ARHGAP32: variants seen among roughly 807,000 people sequenced by gnomAD.
ARHGAP32 encodes the protein Rho GTPase activating protein 32, also known as rho GTPase-activating protein 32.
In ARHGAP32, 51 loss-of-function variants were observed where a neutral mutation model predicts 186.5. The observed-to-expected ratio is 0.27, with a 90% CI of 0.22 to 0.35. The LOEUF (loss-of-function observed/expected upper bound fraction) is 0.35, where lower values mean the gene tolerates loss of function less well. Ranked by LOEUF, ARHGAP32 falls within the 10% of genes least tolerant of loss-of-function variation. The pLI, the probability that ARHGAP32 is intolerant of heterozygous loss-of-function variation, is 1.00. For synonymous variants in ARHGAP32, 950 were observed against 964.3 expected, an observed-to-expected ratio of 0.99 and a Z score of 0.27; for missense variants, 2,186 against 2,623.5, an observed-to-expected ratio of 0.83 and a Z score of 3.64.
At chr11:129,017,054 G>A (rs1368820826) in intron 11 of ARHGAP32, among the ~76,000 whole-genome samples, 1 of 152,176 alleles carries the variant, frequency 6.6e-6, no homozygotes, top group Non-Finnish European at 1.5e-5. Flanking sequence ...GTTGCAAAGG[G>A]TAGACTCAGG....
chr11:128,973,041 T>A lies in ARHGAP32; in HGVS notation c.3465A>T (p.Gln1155His). The A allele has an allele frequency of 6.2e-7, 1 of 1,614,128 alleles. No individual in the cohort carries two copies. The highest frequency in any genetic ancestry group is 8.5e-7 in the Non-Finnish European group (1 of 1,180,030). ...TCCCTGTTAAGTCTACTTGGTGATG[T>A]TGCTCCCCAGATTCAGTTGTGTTGG... Reference protein sequence around the residue: ...THSNTTESGEQHHQVDLTGNQ... With the variant: ...THSNTTESGEHHHQVDLTGNQ... The change falls in exon 22 of 23, where the codon CAA (glutamine) becomes CAT (histidine). Residue 1155 changes from glutamine to histidine, a missense_variant. Coordinates refer to ENST00000682385, the MANE Select transcript of ARHGAP32 (RefSeq NM_001378024.1).
chr11:129,182,300 A>G lies in ARHGAP32; in HGVS notation c.116+9783T>C, dbSNP rs1469611142. ...GAAAAACAAATTTTCTACAGTAAAA[A>G]AAATATTTTTATATATTAGCCCATT... On this transcript the variant is annotated intron_variant, in intron 1 of 22. Coordinates refer to ENST00000682385, the MANE Select transcript of ARHGAP32 (RefSeq NM_001378024.1). Among the ~76,000 whole-genome samples the G allele has an allele frequency of 3.3e-5, 5 of 152,240 alleles. No individual in the cohort carries two copies. The East Asian group carries it at 7.7e-4, about 23-fold the overall frequency.
At chr11:129,223,310 C>T (rs1944736380) in intron 1 of ARHGAP32, among the ~76,000 whole-genome samples, 1 of 152,150 alleles carries the variant, frequency 6.6e-6, no homozygotes, top group African/African-American at 2.4e-5. Context: ...TTAAACAGTT[C>T]AAAATTTATC....
intron 1 of ARHGAP32, among the ~76,000 whole-genome samples, chr11:129,246,397 T>C (rs566576045): frequency 4.3e-4 from 65 of 152,306 alleles, no homozygotes; most frequent in Admixed American, 3.4e-3. Flanking sequence ...GAATAGTCCA[T>C]AGACTTTGGG....
At chr11:129,105,993 G>C (rs1407563342) in intron 5 of ARHGAP32, among the ~76,000 whole-genome samples, 3 of 152,044 alleles carry the variant, frequency 2.0e-5, no homozygotes, top group Non-Finnish European at 4.4e-5. Flanking sequence ...AATAACTAAA[G>C]TTAAAATCTG....
intron 11 of ARHGAP32, among the ~76,000 whole-genome samples, chr11:129,022,205 C>T (rs1158608080): frequency 6.6e-6 from 1 of 152,022 alleles, no homozygotes; most frequent in African/African-American, 2.4e-5. Flanking sequence ...AATTGGAAAA[C>T]TTAGAACCTT....
chr11:129,124,288 G>A (rs935024067), intron 3 of ARHGAP32, among the ~76,000 whole-genome samples: 3 of 152,060 alleles, frequency 2.0e-5, no homozygotes, highest in African/African-American at 4.8e-5. Flanking sequence ...GAACACTCAC[G>A]TAAGGTCAGG....
chr11:129,186,049 A>C (rs992956607), intron 1 of ARHGAP32, among the ~76,000 whole-genome samples: 1 of 152,142 alleles, frequency 6.6e-6, no homozygotes, highest in Non-Finnish European at 1.5e-5. Context: ...AAAATTAACT[A>C]ATTTATAAAT....
intron 21 of ARHGAP32, chr11:128,973,859 G>A (rs901960167): frequency 3.7e-6 from 2 of 543,514 alleles, no homozygotes; most frequent in African/African-American, 3.8e-5. Flanking sequence ...CTACGCAGTT[G>A]TGCAAAAATT....
rs1945445166 is a variant in ARHGAP32, at chr11:128,973,270, G to C, written c.3236C>G (p.Ser1079Cys). ...STQSLKRPGT[S>C]QAGYTNYGDI... The stretch of plus-strand genomic sequence containing the variant: ...TCCATAATTTGTATACCCAGCCTGA[G>C]AGGTCCCTGGTCTCTTCAATGACTG... The change falls in exon 22 of 23, where the codon TCT (serine) becomes TGT (cysteine). Residue 1079 changes from serine (S) to cysteine (C), a missense_variant. Around this residue, in one of 5 missense-constraint regions of ARHGAP32, gnomAD observed 1,502 missense variants for 1,570.0 expected, o/e 0.96. Coordinates refer to ENST00000682385, the MANE Select transcript of ARHGAP32 (RefSeq NM_001378024.1). 1 of 1,613,948 alleles carries C rather than the reference G, an allele frequency of 6.2e-7. No individual in the cohort carries two copies. Among genetic ancestry groups the C allele is most frequent in the Non-Finnish European group, 8.5e-7 (1 of 1,180,046 alleles).
At chr11:129,138,699 C>T (rs1942987894) in intron 2 of ARHGAP32, among the ~76,000 whole-genome samples, 1 of 152,194 alleles carries the variant, frequency 6.6e-6, no homozygotes, top group Non-Finnish European at 1.5e-5. Context: ...ACCACAAGCC[C>T]ATCCTCTCCA....
Position 129,124,853 on chromosome 11 carries a change from A to G in ARHGAP32, c.267T>C (p.Thr89=). 2 of 1,611,340 alleles carry G rather than the reference A, an allele frequency of 1.2e-6. No individual in the cohort carries two copies. Among genetic ancestry groups the G allele is most frequent in the African/African-American group, 1.3e-5 (1 of 74,938 alleles). The change falls in exon 3 of 23, where the codon ACT becomes ACC. Residue 89 remains threonine, a synonymous_variant. Coordinates refer to ENST00000682385, the MANE Select transcript of ARHGAP32 (RefSeq NM_001378024.1). ...ADVPEIPGDL[T]LKTCGSTASM... is the part of the protein sequence containing the mutation. Reference sequence around the variant, plus strand: ...TGGCTGTACTGCCACACGTCTTAAGAGTAAGATCTCCAGGAATCTCTGGAA... The same window carrying G: ...TGGCTGTACTGCCACACGTCTTAAGGGTAAGATCTCCAGGAATCTCTGGAA...
chr11:129,031,129 T>C (rs879130238), intron 11 of ARHGAP32, among the ~76,000 whole-genome samples: 11 of 152,202 alleles, frequency 7.2e-5, no homozygotes, highest in Admixed American at 3.3e-4. Context: ...AACGCTAGAA[T>C]AGACTAACAC....
intron 12 of ARHGAP32, among the ~76,000 whole-genome samples, chr11:128,994,961 T>C (rs1050532424): frequency 3.3e-5 from 5 of 152,158 alleles, no homozygotes; most frequent in African/African-American, 1.2e-4. Flanking sequence ...TAATTTTTTT[T>C]CTAGTCATTT....
chr11:129,073,073 G>T (rs1226140509), intron 6 of ARHGAP32, among the ~76,000 whole-genome samples: 2 of 152,070 alleles, frequency 1.3e-5, no homozygotes, highest in African/African-American at 4.8e-5. Context: ...AGAGGCACAG[G>T]CTCACAAAAA....
chr11:129,262,584 C>T (rs756007360), intron 1 of ARHGAP32, among the ~76,000 whole-genome samples: 1 of 152,012 alleles, frequency 6.6e-6, no homozygotes, highest in East Asian at 1.9e-4. Context: ...AGGGTTTCAC[C>T]AGGGGGTTTC....
At chr11:129,002,911 C>T (rs968267370) in intron 11 of ARHGAP32, among the ~76,000 whole-genome samples, 1 of 149,876 alleles carries the variant, frequency 6.7e-6, no homozygotes, top group Non-Finnish European at 1.5e-5. Context: ...CGGGTTCACG[C>T]CATTCTCCTG....
chr11:129,277,877 T>G (rs1250903523), intron 1 of ARHGAP32, among the ~76,000 whole-genome samples: 2 of 152,236 alleles, frequency 1.3e-5, no homozygotes, highest in Admixed American at 6.5e-5. Flanking sequence ...AGCTTCTCTT[T>G]CCTTCACACT....
In ARHGAP32 at chr11:128,969,045, C is replaced by G. The variant is rs1945282552; in HGVS notation, c.6168G>C (p.Gly2056=). 1 of 1,612,368 alleles carries G rather than the reference C, an allele frequency of 6.2e-7. No individual in the cohort carries two copies. The highest frequency in any genetic ancestry group is 1.3e-5 in the African/African-American group (1 of 75,030). Residue 2056 remains glycine, a synonymous_variant, in exon 23 of 23, where the codon GGG becomes GGC. Transcript: ENST00000682385. The surrounding 1 kb of genome is among the most constrained non-coding windows in gnomAD (Gnocchi z 4.8). ...GGGGCACATACGTCCCCATGCCGCC[C>G]CCTCCAAAGACTCCTCGCTGGTGCT... ...LPQHQRGVFG[G]GGMGTYVPPG...
Sources: gnomAD v4.1 joint callset for allele counts (sites outside exome capture counted in the v4.1 genomes callset) on GRCh38, gnomAD v4.1.1 for gene constraint, gnomAD v4.1.1 regional missense constraint, Gnocchi (gnomAD v3.1) non-coding constraint, MANE v1.5 for transcripts, NCBI Gene and HGNC (gene_info 2026-07-23, HGNC 2026-07-21) for gene names.